DENND1C: variants seen among roughly 807,000 people sequenced by gnomAD.
DENND1C encodes DENN domain-containing protein 1C.
In DENND1C, 64 loss-of-function variants were observed where a neutral mutation model predicts 87.9. The observed-to-expected ratio is 0.73, with a 90% CI of 0.60 to 0.90. The LOEUF (loss-of-function observed/expected upper bound fraction) is 0.90. Among genes scored for constraint, DENND1C ranks in the 40% least tolerant of loss-of-function variants. The pLI is 0.00. For missense variants in DENND1C, 980 were observed against 1,037.0 expected (o/e 0.95, Z 0.76); for synonymous variants, 384 against 424.4 (o/e 0.90, Z 1.17).
intron 14 of DENND1C, 119 bp downstream of exon 14, chr19:6,475,155 C>T: frequency 2.6e-6 from 4 of 1,525,950 alleles, no homozygotes; most frequent in Non-Finnish European, 3.5e-6. Context: ...TCTCGGCATC[C>T]CAAAGTGTTG....
At chr19:6,480,169 T>C in intron 1 of DENND1C, 118 bp from the exon 2 acceptor site, 1 of 1,507,120 alleles carries the variant, frequency 6.6e-7, no homozygotes. Flanking sequence ...GGCATGTGCA[T>C]GACTCTGGGG....
In DENND1C at chr19:6,471,450, G is replaced by A. The variant is rs376706867; in HGVS notation, c.1205C>T (p.Ser402Leu). The change falls in exon 16 of 23, where the codon TCA becomes TTA. Residue 402 changes from serine (S) to leucine (L), a missense_variant. Transcript: ENST00000381480. ...AGTGATCTCCTGCTCGAATTGATCTGAGAAGCCCTCCCCCTTGTTGAGCTT... is the reference window on the plus strand; with the variant it reads ...AGTGATCTCCTGCTCGAATTGATCTAAGAAGCCCTCCCCCTTGTTGAGCTT... ...LEKLNKGEGF[S>L]DQFEQEITGC... 4 of 1,584,388 alleles carry A rather than the reference G, an allele frequency of 2.5e-6. No homozygotes were observed. In the African/African-American group the frequency reaches 5.4e-5, roughly 21 times the overall value.
At chr19:6,476,155 G>A in intron 10 of DENND1C, 1 of 544,446 alleles carries the variant, frequency 1.8e-6, no homozygotes, top group South Asian at 2.5e-5. Context: ...ATACCGTCCT[G>A]ATCCCTCTCT....
Position 6,467,925 on chromosome 19 carries a change from G to A in DENND1C, c.1985C>T (p.Ala662Val), listed in dbSNP as rs545952641. ...TSPSQSSTAS[A>V]DPSIWGDPKP... ...GGGGTCCCCCCAGATGCTTGGGTCT[G>A]CAGAAGCTGTTGAGGACTGGGATGG... is the stretch of plus-strand genomic sequence containing the variant. The change falls in exon 23 of 23, where the codon GCA (alanine) becomes GTA (valine). Residue 662 changes from alanine to valine, a missense_variant. Ala to Val is a moderately conservative substitution (Grantham distance 64). Transcript: ENST00000381480. 9 of 1,613,796 alleles carry A rather than the reference G, an allele frequency of 5.6e-6. No individual in the cohort carries two copies. The highest frequency in any genetic ancestry group is 1.3e-5 in the African/African-American group (1 of 75,062).
At chr19:6,471,130 G>A (rs2092826703) in intron 17 of DENND1C, 135 bp downstream of exon 17, 5 of 1,225,254 alleles carry the variant, frequency 4.1e-6, no homozygotes, top group Non-Finnish European at 5.7e-6. Context: ...TTTTTCAGTA[G>A]AGATGGGGTT....
Position 6,480,034 on chromosome 19 carries a change from ACAG to A in DENND1C, c.32_34del (p.Ala11del), listed in dbSNP as rs1184311329. On this transcript the variant is annotated inframe_deletion, in exon 2 of 23. Transcript: ENST00000381480. ...GGCCGCTTCGAAGAACCAATCAAAC[ACAG>A]CAGGGGAGCCCCCTCTGTGGGATGC... The A allele has an allele frequency of 3.7e-6, 6 of 1,608,882 alleles. No homozygotes were observed. Among genetic ancestry groups the A allele is most frequent in the Non-Finnish European group, 5.1e-6 (6 of 1,178,272 alleles).
chr19:6,476,057 T>C, intron 10 of DENND1C, 120 bp from the exon 11 acceptor site: 7 of 959,104 alleles, frequency 7.3e-6, no homozygotes, highest in Non-Finnish European at 1.1e-5. Context: ...TGCTGGATAA[T>C]GAGTGACAAC....
chr19:6,470,483 CTA>C, intron 17 of DENND1C, 117 bp from the exon 18 acceptor site: 1 of 996,634 alleles, frequency 1.0e-6, no homozygotes, highest in Non-Finnish European at 1.5e-6. Flanking sequence ...TTTTTCACCT[CTA>C]TAAATGAACA....
rs180792963 is a variant in DENND1C, at chr19:6,471,923, G to A, written c.1159-427C>T. The stretch of plus-strand genomic sequence containing the variant: ...CTCCCAAAATGCTGGGATTACAGGC[G>A]TAAGCCACTGTCCCCGGCCCGGAGC... On this transcript the variant is annotated intron_variant, in intron 15 of 22. Coordinates refer to ENST00000381480, the MANE Select transcript of DENND1C (RefSeq NM_024898.4). Among the ~76,000 whole-genome samples, 19 of 152,266 alleles carry A rather than the reference G, an allele frequency of 1.2e-4. No individual in the cohort carries two copies. The East Asian group carries it at 1.5e-3, about 12-fold the overall frequency.
rs1367338440 is a variant in DENND1C, at chr19:6,471,256, T to A, written c.1290+9A>T. The A allele has an allele frequency of 6.3e-7, 1 of 1,582,280 alleles. No homozygotes were observed. The highest frequency in any genetic ancestry group is 8.6e-7 in the Non-Finnish European group (1 of 1,163,788). On this transcript the variant is annotated intron_variant, in intron 17 of 22. Coordinates refer to ENST00000381480, the MANE Select transcript of DENND1C (RefSeq NM_024898.4). ...CAACGCCCACGGCCTATTGTTCTGG[T>A]GGTCTTACCTTTAGATTGTCGGCCC... is the stretch of plus-strand genomic sequence containing the variant.
At chr19:6,469,442 A>G (rs998870030) in intron 19 of DENND1C, 154 bp downstream of exon 19, 1 of 733,346 alleles carries the variant, frequency 1.4e-6, no homozygotes, top group Non-Finnish European at 2.3e-6. Context: ...ATCCATATTC[A>G]GATAATTTTT....
At position 6,467,508 on chromosome 19, in the gene DENND1C, C is replaced by A; in HGVS notation, c.2402G>T (p.Gly801Val). 1 of 1,588,896 alleles carries A rather than the reference C, an allele frequency of 6.3e-7. No homozygotes were observed. Among genetic ancestry groups the A allele is most frequent in the Non-Finnish European group, 8.5e-7 (1 of 1,170,472 alleles). The change falls in exon 23 of 23, where the codon GGT (glycine) becomes GTT (valine). Residue 801 changes from glycine (G) to valine (V), a missense_variant. Gly to Val is a moderately radical substitution (Grantham distance 109). Transcript: ENST00000381480. Reference protein sequence around the residue: ...RVADLKKCFEG With the variant: ...RVADLKKCFEV Reference sequence around the variant, plus strand: ...TCTCTCTTGGACCCCTGATTCTTAACCCTCAAAGCACTTCTTAAGATCAGC... The same window carrying A: ...TCTCTCTTGGACCCCTGATTCTTAAACCTCAAAGCACTTCTTAAGATCAGC...
At chr19:6,468,993 G>T in intron 19 of DENND1C, 40 bp from the exon 20 acceptor site, 2 of 1,214,396 alleles carry the variant, frequency 1.6e-6, no homozygotes, top group Non-Finnish European at 1.1e-6. Flanking sequence ...CTGCCACAGA[G>T]TCTCCCCACC....
rs1378501902 is a variant in DENND1C, at chr19:6,471,631, G to A, written c.1159-135C>T. 5 of 709,866 alleles carry A rather than the reference G, an allele frequency of 7.0e-6. No individual in the cohort carries two copies. The African/African-American group carries it at 8.9e-5, about 13-fold the overall frequency. The allele number at this position is 709,866 out of a possible 1,614,324, so 44.0% of individuals were successfully genotyped here. A position where few individuals can be genotyped will look rare whatever the true frequency, so the allele number is the denominator to read the frequency against. ...CCCACCCCCAAGCACCTGGGAAACTGGAGCCCACTTTATTTTTTATTTTTA... is the reference window on the plus strand; with the variant it reads ...CCCACCCCCAAGCACCTGGGAAACTAGAGCCCACTTTATTTTTTATTTTTA... On this transcript the variant is annotated intron_variant, in intron 15 of 22. Coordinates refer to ENST00000381480, the MANE Select transcript of DENND1C (RefSeq NM_024898.4).
intron 2 of DENND1C, 39 bp from the exon 3 acceptor site, chr19:6,479,941 G>GCC: frequency 2.5e-6 from 4 of 1,590,148 alleles, no homozygotes; most frequent in Non-Finnish European, 3.4e-6. Flanking sequence ...AGCGACCCAG[G>GCC]CCCACCCTCC....
chr19:6,479,481 T>C (rs949632739), intron 4 of DENND1C, among the ~76,000 whole-genome samples, 188 bp downstream of exon 4: 2 of 151,576 alleles, frequency 1.3e-5, no homozygotes, highest in Non-Finnish European at 2.9e-5. Context: ...GGTCCCTGAG[T>C]GTCTGAGTCC....
At chr19:6,476,526 C>G in intron 10 of DENND1C, 1 of 246,648 alleles carries the variant, frequency 4.1e-6, no homozygotes, top group Non-Finnish European at 7.8e-6. Context: ...TCCCTGAGTC[C>G]CTGGGTCCCT....
intron 14 of DENND1C, among the ~76,000 whole-genome samples, chr19:6,473,804 CG>C (rs1040481910): frequency 1.0e-3 from 7 of 6,734 alleles, no homozygotes; most frequent in Admixed American, 3.2e-3. Context: ...GGGGTGTGGG[CG>C]GGGGGGTGGG....
chr19:6,469,369 C>A, intron 19 of DENND1C: 1 of 542,658 alleles, frequency 1.8e-6, no homozygotes, highest in Non-Finnish European at 3.3e-6. Context: ...TCTCTGTCAC[C>A]CAGGCTGGTG....
Sources: gnomAD v4.1 joint callset for allele counts (sites outside exome capture counted in the v4.1 genomes callset) on GRCh38, gnomAD v4.1.1 for gene constraint, MANE v1.5 for transcripts, NCBI Gene and HGNC (gene_info 2026-07-23, HGNC 2026-07-21) for gene names.